Variants in MAML2 observed in about 807,000 individuals in gnomAD.
MAML2 encodes the protein mastermind-like protein 2.
MAML2 carries 22 observed loss-of-function variants against 96.1 expected under a neutral mutation model. The ratio of observed to expected loss-of-function variants is 0.23; its 90% CI spans 0.16 to 0.33. The LOEUF is 0.33. Ranked by LOEUF, MAML2 falls within the 10% of genes least tolerant of loss-of-function variation. The pLI is 1.00. For missense variants in MAML2, 1,367 were observed against 1,392.4 expected (o/e 0.98, Z 0.29); for synonymous variants, 561 against 521.3 (o/e 1.08, Z -1.04).
chr11:96,014,641 G>A lies in MAML2; in HGVS notation c.2140-22918C>T, dbSNP rs149708159. 7.8e-3 allele frequency among the ~76,000 whole-genome samples: 1,190 copies of A among 152,286 alleles called. 24 individuals are homozygous for A. Among genetic ancestry groups the A allele is most frequent in the African/African-American group, 0.027 (1,121 of 41,554 alleles). On this transcript the variant is annotated intron_variant, in intron 2 of 4. Coordinates refer to ENST00000524717, the MANE Select transcript of MAML2 (RefSeq NM_032427.4). Reference sequence around the variant, plus strand: ...TGTGTTATCTCTGCAGTTAGGGTACGTCAACTTCACCTCACACAAACATAC... The same window carrying A: ...TGTGTTATCTCTGCAGTTAGGGTACATCAACTTCACCTCACACAAACATAC...
intron 1 of MAML2, among the ~76,000 whole-genome samples, chr11:96,253,066 C>G (rs1862608456): frequency 6.6e-6 from 1 of 152,140 alleles, no homozygotes; most frequent in African/African-American, 2.4e-5. Context: ...TGCATAATCC[C>G]CCTCGCACAG....
At chr11:96,063,603 C>T (rs1859201692) in intron 2 of MAML2, among the ~76,000 whole-genome samples, 1 of 152,140 alleles carries the variant, frequency 6.6e-6, no homozygotes, top group South Asian at 2.1e-4. Context: ...TAATATTACT[C>T]CTATTTATAG....
intron 1 of MAML2, among the ~76,000 whole-genome samples, chr11:96,198,274 G>A (rs1472476123): frequency 6.6e-6 from 1 of 152,176 alleles, no homozygotes; most frequent in Non-Finnish European, 1.5e-5. Flanking sequence ...GGACTGCTGT[G>A]AGAAACAGAA....
chr11:96,063,110 C>A (rs1859193305), intron 2 of MAML2, among the ~76,000 whole-genome samples: 1 of 152,156 alleles, frequency 6.6e-6, no homozygotes, highest in Non-Finnish European at 1.5e-5. Flanking sequence ...TTTTTCTTTC[C>A]CAGTACATTC....
chr11:96,273,219 C>G (rs1313592422), intron 1 of MAML2, among the ~76,000 whole-genome samples: 2 of 152,210 alleles, frequency 1.3e-5, no homozygotes, highest in Non-Finnish European at 2.9e-5. Flanking sequence ...GAATTCTGTA[C>G]TGTTTATAAA....
At chr11:96,239,484 G>C (rs980330291) in intron 1 of MAML2, among the ~76,000 whole-genome samples, 1 of 152,198 alleles carries the variant, frequency 6.6e-6, no homozygotes, top group Non-Finnish European at 1.5e-5. Flanking sequence ...TTCAGAGTTT[G>C]AGTTGTCCTA....
chr11:96,326,384 T>A (rs1336188277), intron 1 of MAML2, among the ~76,000 whole-genome samples: 2 of 150,828 alleles, frequency 1.3e-5, no homozygotes, highest in African/African-American at 4.9e-5. Flanking sequence ...TGTGTGTGTG[T>A]GTGCATGTAT....
chr11:96,138,511 T>C (rs1479704698), intron 1 of MAML2, among the ~76,000 whole-genome samples: 1 of 152,206 alleles, frequency 6.6e-6, no homozygotes, highest in Non-Finnish European at 1.5e-5. Context: ...CAGTGACTGC[T>C]GAGATATGAA....
chr11:96,144,360 T>C (rs1049193714), intron 1 of MAML2, among the ~76,000 whole-genome samples: 16 of 152,194 alleles, frequency 1.1e-4, no homozygotes, highest in Non-Finnish European at 1.8e-4. Context: ...CTGACTAGCA[T>C]GCTTAGCTAT....
At chr11:96,243,334 G>T (rs1257153408) in intron 1 of MAML2, among the ~76,000 whole-genome samples, 2 of 152,206 alleles carry the variant, frequency 1.3e-5, no homozygotes, top group Non-Finnish European at 2.9e-5. Context: ...GGGAGGCGGG[G>T]TTGGCTGTCG....
intron 1 of MAML2, among the ~76,000 whole-genome samples, chr11:96,206,331 C>T (rs922069013): frequency 1.2e-4 from 19 of 152,296 alleles, no homozygotes; most frequent in Admixed American, 7.8e-4. Flanking sequence ...GGTGCGGTGG[C>T]TCATGCCTGT....
chr11:96,341,296 T>A lies in MAML2; in HGVS notation c.513+87A>T, dbSNP rs1591141891. 4 of 1,406,052 alleles carry A rather than the reference T, an allele frequency of 2.8e-6. No individual in the cohort carries two copies. In the East Asian group the frequency reaches 7.6e-5, roughly 27 times the overall value. 87.1% of individuals were successfully genotyped at this position (1,406,052 alleles called of 1,614,324 possible). A position where few individuals can be genotyped will look rare whatever the true frequency, so the allele number is the denominator to read the frequency against. ...GACATCTTGGCCTTTTTCATTGCCA[T>A]CCACTCTACCTTAGGCCAAAGCAAA... On this transcript the variant is annotated intron_variant, in intron 1 of 4. Transcript: ENST00000524717.
intron 1 of MAML2, among the ~76,000 whole-genome samples, chr11:96,143,669 A>G (rs1212007814): frequency 6.6e-6 from 1 of 152,224 alleles, no homozygotes; most frequent in African/African-American, 2.4e-5. Context: ...ACTCCAAACA[A>G]CATTAATTCC....
At chr11:96,067,177 A>C (rs184041254) in intron 2 of MAML2, among the ~76,000 whole-genome samples, 56 of 152,340 alleles carry the variant, frequency 3.7e-4, no homozygotes, top group Non-Finnish European at 7.8e-4. Context: ...GCCTTCCCAA[A>C]CCAAAACACT....
At chr11:96,261,241 C>T (rs747849058) in intron 1 of MAML2, among the ~76,000 whole-genome samples, 8 of 152,034 alleles carry the variant, frequency 5.3e-5, no homozygotes, top group South Asian at 2.1e-4. Flanking sequence ...CACATTAGCA[C>T]GCTCAGCCCC....
chr11:96,012,280 A>G (rs1565189228), intron 2 of MAML2, among the ~76,000 whole-genome samples: 1 of 152,232 alleles, frequency 6.6e-6, no homozygotes, highest in Non-Finnish European at 1.5e-5. Flanking sequence ...ACACAATCTC[A>G]TAGCAACAGA....
chr11:96,106,977 G>C (rs1201723907), intron 1 of MAML2, among the ~76,000 whole-genome samples: 1 of 11,580 alleles, frequency 8.6e-5, no homozygotes, highest in Non-Finnish European at 2.2e-4. Flanking sequence ...TATGAAAAGA[G>C]TCCTTTTTTT....
chr11:96,207,317 C>G (rs529763178), intron 1 of MAML2, among the ~76,000 whole-genome samples: 4 of 152,208 alleles, frequency 2.6e-5, no homozygotes, highest in Non-Finnish European at 5.9e-5. Flanking sequence ...TGTCTAAACA[C>G]TCAGTAAAAG....
rs746552277 is a variant in MAML2 at position 95,979,665 on chromosome 11, A to G, written c.2754T>C (p.Asn918=). The change falls in exon 5 of 5, where the codon AAT becomes AAC. Residue 918 remains asparagine (N), a synonymous_variant. Coordinates refer to ENST00000524717, the MANE Select transcript of MAML2 (RefSeq NM_032427.4). ...CTCCAAAAGTGGCTACATTGTTATT[A>G]TTACTTGGCCCTAAGGTAGGTGGCC... ...MPRPPTLGPS[N]NNNVATFGAG... 5 of 1,613,786 alleles carry G rather than the reference A, an allele frequency of 3.1e-6. No homozygotes were observed. The highest frequency in any genetic ancestry group is 4.2e-6 in the Non-Finnish European group (5 of 1,179,866).
Sources: gnomAD v4.1 joint callset for allele counts (sites outside exome capture counted in the v4.1 genomes callset) on GRCh38, gnomAD v4.1.1 for gene constraint, MANE v1.5 for transcripts, NCBI Gene and HGNC (gene_info 2026-07-23, HGNC 2026-07-21) for gene names.